The following CRISPLD2 variants were observed in gnomAD, a reference collection of about 807,000 sequenced individuals.
CRISPLD2 encodes the protein cysteine-rich secretory protein LCCL domain-containing 2.
A neutral mutation model predicts 71.1 loss-of-function variants in CRISPLD2; 47 were observed. The observed-to-expected ratio is 0.66, with a 90% CI of 0.52 to 0.84. CRISPLD2 has a LOEUF of 0.84. Ranked by LOEUF, CRISPLD2 falls within the 40% of genes least tolerant of loss-of-function variation. CRISPLD2 has a pLI of 0.00. For synonymous variants in CRISPLD2, 317 were observed against 250.1 expected (o/e 1.27, Z -2.52); for missense variants, 830 against 651.1 (o/e 1.27, Z -2.99).
intron 1 of CRISPLD2, chr16:84,836,255 C>G (rs909544168): frequency 6.6e-6 from 1 of 152,184 alleles, no homozygotes; most frequent in Non-Finnish European, 1.5e-5. Context: ...GAGGACACCC[C>G]GTGACGCCGA....
rs761818985 is a variant in CRISPLD2, at chr16:84,849,492, G to T, written c.467G>T (p.Gly156Val). Residue 156 changes from glycine to valine, a missense_variant, in exon 4 of 15, where the codon GGG (glycine) becomes GTG (valine). Physicochemically the swap from Gly to Val is moderately radical, Grantham distance 109. Coordinates refer to ENST00000262424, the MANE Select transcript of CRISPLD2 (RefSeq NM_031476.4). ...CNPWCPERCS[G>V]PMCTHYTQIV... Reference sequence around the variant, plus strand: ...CCCTGGTGTCCAGAGAGGTGCTCGGGGCCCATGTGCACGCACTACACACAG... The same window carrying T: ...CCCTGGTGTCCAGAGAGGTGCTCGGTGCCCATGTGCACGCACTACACACAG... 3 of 1,614,100 alleles carry T rather than the reference G, an allele frequency of 1.9e-6. No individual in the cohort carries two copies. The highest frequency in any genetic ancestry group is 2.2e-5 in the East Asian group (1 of 44,882).
chr16:84,908,101 G>A lies in CRISPLD2; in HGVS notation c.*1459G>A, dbSNP rs2071821039. 1 of 152,214 alleles carries A rather than the reference G, an allele frequency of 6.6e-6. No homozygotes were observed. The allele number at this position is 152,214 out of a possible 1,614,324, so 9.4% of individuals were successfully genotyped here. A position where few individuals can be genotyped will look rare whatever the true frequency, so the allele number is the denominator to read the frequency against. On this transcript the variant is annotated 3_prime_UTR_variant, in exon 15 of 15. Coordinates refer to ENST00000262424, the MANE Select transcript of CRISPLD2 (RefSeq NM_031476.4). Reference sequence around the variant, plus strand: ...TCAAAAACTAAGATACTGTAGACTGGACAAGAAATTCTACCTGGGCACCTA... The same window carrying A: ...TCAAAAACTAAGATACTGTAGACTGAACAAGAAATTCTACCTGGGCACCTA...
intron 14 of CRISPLD2, among the ~76,000 whole-genome samples, chr16:84,898,288 C>T (rs777316216): frequency 2.0e-5 from 3 of 152,186 alleles, no homozygotes; most frequent in Non-Finnish European, 2.9e-5. Context: ...AAGGCTCCCC[C>T]GCCAGTGGCT....
chr16:84,906,321 A>G (rs72799583), intron 14 of CRISPLD2, among the ~76,000 whole-genome samples: 1 of 152,166 alleles, frequency 6.6e-6, no homozygotes, highest in Non-Finnish European at 1.5e-5. Context: ...GACTGGGTCC[A>G]GCAGATCCCT....
intron 11 of CRISPLD2, among the ~76,000 whole-genome samples, chr16:84,875,779 T>C (rs2071513457): frequency 1.3e-5 from 2 of 150,936 alleles, no homozygotes; most frequent in Admixed American, 1.3e-4. Context: ...TTGGCCAGGC[T>C]GGTCTTGAAC....
At chr16:84,843,492 C>T (rs1916831376) in intron 2 of CRISPLD2, among the ~76,000 whole-genome samples, 1 of 152,232 alleles carries the variant, frequency 6.6e-6, no homozygotes. Flanking sequence ...GCCAGCCTGC[C>T]TCCGTCCAGC....
intron 8 of CRISPLD2, among the ~76,000 whole-genome samples, chr16:84,871,665 C>T (rs2071470149): frequency 6.6e-6 from 1 of 152,082 alleles, no homozygotes; most frequent in Non-Finnish European, 1.5e-5. Context: ...GACTTTCCTG[C>T]CTCAGCCTCC....
intron 1 of CRISPLD2, among the ~76,000 whole-genome samples, chr16:84,828,530 C>T (rs759811658): frequency 1.3e-5 from 2 of 152,138 alleles, no homozygotes; most frequent in Admixed American, 6.5e-5. Context: ...CCTTTCCCTT[C>T]GGAGAGGGAG....
At chr16:84,879,278 C>T (rs957995385) in intron 12 of CRISPLD2, among the ~76,000 whole-genome samples, 1 of 151,656 alleles carries the variant, frequency 6.6e-6, no homozygotes, top group Admixed American at 6.6e-5. Flanking sequence ...TGACACAGTG[C>T]AATATGCAAA....
intron 6 of CRISPLD2, among the ~76,000 whole-genome samples, chr16:84,857,123 G>T (rs1009428250): frequency 1.3e-5 from 2 of 152,208 alleles, no homozygotes; most frequent in African/African-American, 4.8e-5. Context: ...TTTGCTGCTG[G>T]CAAATTGGGC....
At chr16:84,904,744 A>G (rs2071786626) in intron 14 of CRISPLD2, among the ~76,000 whole-genome samples, 1 of 152,324 alleles carries the variant, frequency 6.6e-6, no homozygotes, top group South Asian at 2.1e-4. Context: ...TGCAAGGGCA[A>G]TTAGATATTT....
At chr16:84,848,721 A>G (rs995087907) in intron 3 of CRISPLD2, among the ~76,000 whole-genome samples, 9 of 152,212 alleles carry the variant, frequency 5.9e-5, no homozygotes, top group Non-Finnish European at 1.0e-4. Context: ...GATGACAGGC[A>G]TGAGCCACCA....
chr16:84,865,548 T>C (rs1419069838), intron 6 of CRISPLD2, among the ~76,000 whole-genome samples: 1 of 152,210 alleles, frequency 6.6e-6, no homozygotes, highest in Admixed American at 6.5e-5. Context: ...AATACATCTG[T>C]TGCCTTTTTT....
chr16:84,870,389 G>T (rs7193373), intron 8 of CRISPLD2, among the ~76,000 whole-genome samples: 1 of 151,102 alleles, frequency 6.6e-6, no homozygotes, highest in African/African-American at 2.4e-5. Flanking sequence ...GCATGATCTC[G>T]GCTCACTGCC....
chr16:84,845,995 C>T lies in CRISPLD2; in HGVS notation c.359+91C>T, dbSNP rs1163502474. On this transcript the variant is annotated intron_variant, in intron 3 of 14. Transcript: ENST00000262424. ...TGTGCCCCTTATCAAGTTTAGCCTG[C>T]AAAGAGAGTGAGAGAGACCACCCGT... is the stretch of plus-strand genomic sequence containing the variant. 1.8e-5 allele frequency: 14 copies of T among 782,664 alleles called. No homozygotes were observed. In the Admixed American group the frequency reaches 3.5e-4, roughly 20 times the overall value. 48.5% of individuals were successfully genotyped at this position (782,664 alleles called of 1,614,324 possible). A position where few individuals can be genotyped will look rare whatever the true frequency, so the allele number is the denominator to read the frequency against.
chr16:84,878,671 G>A (rs542028717), intron 12 of CRISPLD2, among the ~76,000 whole-genome samples: 51 of 152,278 alleles, frequency 3.3e-4, no homozygotes, highest in African/African-American at 1.1e-3. Context: ...AACAGCTGTC[G>A]CTGAAGTTCC....
chr16:84,820,390 G>A (rs975798670), intron 1 of CRISPLD2, among the ~76,000 whole-genome samples: 1 of 152,172 alleles, frequency 6.6e-6, no homozygotes, highest in Non-Finnish European at 1.5e-5. Flanking sequence ...CGATCTGAGC[G>A]CAGAATCCTG....
Position 84,860,014 on chromosome 16 carries a change from G to A in CRISPLD2, c.709+5185G>A, listed in dbSNP as rs186328831. ...AGCATTAGTCAAGGGTATATCTTCT[G>A]GATTCTCCCAGCTGGAATGAGTAGG... On this transcript the variant is annotated intron_variant, in intron 6 of 14. Coordinates refer to ENST00000262424, the MANE Select transcript of CRISPLD2 (RefSeq NM_031476.4). Among the ~76,000 whole-genome samples the A allele has an allele frequency of 2.1e-4, 32 of 152,266 alleles. No individual in the cohort carries two copies. In the East Asian group the frequency reaches 6.0e-3, roughly 28 times the overall value.
chr16:84,880,538 A>G lies in CRISPLD2; in HGVS notation c.1259A>G (p.Glu420Gly). The G allele has an allele frequency of 6.2e-7, 1 of 1,613,842 alleles. No homozygotes were observed. The highest frequency in any genetic ancestry group is 8.5e-7 in the Non-Finnish European group (1 of 1,179,814). ...CATTGTCCGGCACACTGCAAAGACG[A>G]ACCTTCCTACTGGGCTCCGGTGTTT... Reference protein sequence around the residue: ...RIHCPAHCKDEPSYWAPVFGT... With the variant: ...RIHCPAHCKDGPSYWAPVFGT... The change falls in exon 13 of 15, where the codon GAA becomes GGA. Residue 420 changes from glutamate to glycine, a missense_variant. By Grantham distance (98) the Glu-to-Gly change is moderately conservative. Coordinates refer to ENST00000262424, the MANE Select transcript of CRISPLD2 (RefSeq NM_031476.4).
Sources: gnomAD v4.1 joint callset for allele counts (sites outside exome capture counted in the v4.1 genomes callset) on GRCh38, gnomAD v4.1.1 for gene constraint, MANE v1.5 for transcripts, NCBI Gene and HGNC (gene_info 2026-07-23, HGNC 2026-07-21) for gene names.